IMMP2L: variants seen among roughly 807,000 people sequenced by gnomAD.
The protein encoded by IMMP2L is mitochondrial inner membrane protease subunit 2.
In IMMP2L, 18 loss-of-function variants were observed where a neutral mutation model predicts 19.3. That is an observed-to-expected ratio of 0.93 (90% CI 0.64 to 1.38). The LOEUF (loss-of-function observed/expected upper bound fraction) is 1.38. Among genes scored for constraint, IMMP2L ranks in the 40% most tolerant of loss-of-function variants. The pLI, the probability that IMMP2L is intolerant of heterozygous loss-of-function variation, is 0.00. For missense variants in IMMP2L, 233 were observed against 218.2 expected, an observed-to-expected ratio of 1.07 and a Z score of -0.43; for synonymous variants, 76 against 73.0, an observed-to-expected ratio of 1.04 and a Z score of -0.21.
intron 3 of IMMP2L, among the ~76,000 whole-genome samples, chr7:111,315,310 G>A (rs1823939575): frequency 1.3e-5 from 2 of 151,970 alleles, no homozygotes; most frequent in Non-Finnish European, 2.9e-5. Flanking sequence ...TAAGACAATA[G>A]GAAGAAACTA....
intron 3 of IMMP2L, among the ~76,000 whole-genome samples, chr7:111,224,677 T>G (rs1006385531): frequency 2.1e-4 from 32 of 151,980 alleles, no homozygotes; most frequent in Non-Finnish European, 4.4e-4. Flanking sequence ...CTTTCAGGAG[T>G]TCATGAGGGC....
At chr7:111,450,504 A>G (rs1006710774) in intron 3 of IMMP2L, among the ~76,000 whole-genome samples, 1 of 151,642 alleles carries the variant, frequency 6.6e-6, no homozygotes, top group African/African-American at 2.4e-5. Context: ...CTGGCTAGCC[A>G]TATGTAGAAA....
At chr7:110,959,215 A>T (rs1585448582) in intron 4 of IMMP2L, among the ~76,000 whole-genome samples, 1 of 151,944 alleles carries the variant, frequency 6.6e-6, no homozygotes, top group African/African-American at 2.4e-5. Context: ...TTTCCAAGAA[A>T]ATATTTTTGG....
intron 5 of IMMP2L, among the ~76,000 whole-genome samples, chr7:110,836,741 G>T (rs939121821): frequency 1.3e-5 from 2 of 152,106 alleles, no homozygotes; most frequent in African/African-American, 4.8e-5. Context: ...CTAGGCTTTT[G>T]GTTGTTTGCC....
At chr7:110,897,247 G>A (rs986530259) in intron 4 of IMMP2L, among the ~76,000 whole-genome samples, 2 of 152,128 alleles carry the variant, frequency 1.3e-5, no homozygotes, top group Non-Finnish European at 2.9e-5. Flanking sequence ...CAGATTAACA[G>A]TATCTATGGG....
At chr7:111,116,776 C>T (rs1037362159) in intron 3 of IMMP2L, among the ~76,000 whole-genome samples, 1 of 152,032 alleles carries the variant, frequency 6.6e-6, no homozygotes, top group Admixed American at 6.6e-5. Flanking sequence ...GAGAAACACC[C>T]AACAATAATA....
At position 111,213,980 on chromosome 7, in the gene IMMP2L, T is replaced by A; in HGVS notation, c.240-250415A>T. Among the ~76,000 whole-genome samples the A allele has an allele frequency of 6.6e-6, 1 of 152,320 alleles. No individual in the cohort carries two copies. The highest frequency in any genetic ancestry group is 6.5e-5 in the Admixed American group (1 of 15,308). On this transcript the variant is annotated intron_variant, in intron 3 of 5. Transcript: ENST00000405709. This position sits in a 1 kb window ranked among gnomAD's most constrained non-coding sequence, Gnocchi z 4.8. The stretch of plus-strand genomic sequence containing the variant: ...AATAGTGAAGAGCTATAAGTATTCA[T>A]ACATTTCTAATGTAAAATATATGAT...
At chr7:111,120,660 C>A (rs214867) in intron 3 of IMMP2L, among the ~76,000 whole-genome samples, 14,622 of 152,090 alleles carry the variant, frequency 0.096, 1,655 homozygotes, top group African/African-American at 0.27. Flanking sequence ...ACTTTAGTTA[C>A]GAATGATAAC....
chr7:111,431,943 G>A (rs1468028956), intron 3 of IMMP2L, among the ~76,000 whole-genome samples: 1 of 151,434 alleles, frequency 6.6e-6, no homozygotes. Flanking sequence ...AAAAAAAATT[G>A]TATTCTTTGG....
At chr7:111,215,295 A>G (rs747419806) in intron 3 of IMMP2L, among the ~76,000 whole-genome samples, 10 of 152,210 alleles carry the variant, frequency 6.6e-5, no homozygotes, top group Non-Finnish European at 1.5e-4. Context: ...TTCTGCCTGA[A>G]GAAGTGTCTT....
At chr7:110,779,630 G>T (rs924909900) in intron 5 of IMMP2L, among the ~76,000 whole-genome samples, 5 of 151,882 alleles carry the variant, frequency 3.3e-5, no homozygotes, top group Admixed American at 3.3e-4. Context: ...CAGACAGATG[G>T]CTTATCTAGT....
intron 3 of IMMP2L, among the ~76,000 whole-genome samples, chr7:111,321,501 AACT>A (rs1824712387): frequency 6.6e-6 from 1 of 151,994 alleles, no homozygotes; most frequent in African/African-American, 2.4e-5. Flanking sequence ...ATGGAAAAAA[AACT>A]ACAACAATCT....
chr7:111,030,782 G>GTA (rs1269163814), intron 3 of IMMP2L, among the ~76,000 whole-genome samples: 1 of 70,384 alleles, frequency 1.4e-5, no homozygotes, highest in African/African-American at 7.6e-5. Context: ...AAAAGCAAAA[G>GTA]TATATATATG....
At chr7:111,108,354 G>T (rs536761929) in intron 3 of IMMP2L, among the ~76,000 whole-genome samples, 46 of 152,112 alleles carry the variant, frequency 3.0e-4, no homozygotes, top group African/African-American at 9.9e-4. Context: ...CAATCATTAA[G>T]AATACATTTT....
intron 3 of IMMP2L, among the ~76,000 whole-genome samples, chr7:111,016,901 A>T (rs1381377073): frequency 2.2e-5 from 2 of 89,938 alleles, no homozygotes; most frequent in Non-Finnish European, 3.9e-5. Context: ...AATATATATT[A>T]TATATAATTA....
intron 1 of IMMP2L, among the ~76,000 whole-genome samples, chr7:111,538,643 A>C (rs1848115851): frequency 6.7e-6 from 1 of 149,984 alleles, no homozygotes; most frequent in African/African-American, 2.5e-5. Flanking sequence ...TAAAAAAAAA[A>C]AAAAAAAAAA....
At chr7:111,553,225 G>A (rs1282377021) in intron 1 of IMMP2L, among the ~76,000 whole-genome samples, 2 of 152,114 alleles carry the variant, frequency 1.3e-5, no homozygotes, top group South Asian at 2.1e-4. Flanking sequence ...ATAGGAATGA[G>A]TAGAGAAAAC....
chr7:111,339,928 AG>A (rs1479568383), intron 3 of IMMP2L, among the ~76,000 whole-genome samples: 2 of 152,060 alleles, frequency 1.3e-5, no homozygotes, highest in Admixed American at 1.3e-4. Flanking sequence ...AACTGCACAT[AG>A]CCCCCCAGAG....
intron 3 of IMMP2L, among the ~76,000 whole-genome samples, chr7:111,281,178 GAA>G (rs1423221129): frequency 0.022 from 1,675 of 74,568 alleles, 40 homozygotes; most frequent in African/African-American, 0.058. Context: ...AAGAAAGAAA[GAA>G]AGAAAGAAAG....
Sources: allele counts gnomAD v4.1 joint callset (sites outside exome capture counted in the v4.1 genomes callset), GRCh38; gene constraint gnomAD v4.1.1; non-coding constraint Gnocchi (gnomAD v3.1); transcripts MANE v1.5; gene names NCBI Gene and HGNC (gene_info 2026-07-23, HGNC 2026-07-21).